Variants in CNTN1 observed in about 807,000 individuals in gnomAD.
CNTN1 encodes contactin 1.
In CNTN1, 38 loss-of-function variants were observed where a neutral mutation model predicts 126.4. That is an observed-to-expected ratio of 0.30 (90% CI 0.23 to 0.39). CNTN1 has a LOEUF of 0.39. CNTN1 is among the 10% of genes least tolerant of loss of function. The pLI is 1.00. For missense variants in CNTN1, 1,009 were observed against 1,248.4 expected, an observed-to-expected ratio of 0.81 and a Z score of 2.89; for synonymous variants, 413 against 422.6, an observed-to-expected ratio of 0.98 and a Z score of 0.28.
intron 1 of CNTN1, among the ~76,000 whole-genome samples, chr12:40,777,224 G>A (rs1427920439): frequency 6.7e-6 from 1 of 150,354 alleles, no homozygotes; most frequent in Admixed American, 6.7e-5. Flanking sequence ...GATAGTCAGG[G>A]TATCTAATTA....
intron 1 of CNTN1, among the ~76,000 whole-genome samples, chr12:40,702,108 T>A (rs1463142402): frequency 1.3e-5 from 2 of 152,044 alleles, no homozygotes; most frequent in Non-Finnish European, 2.9e-5. Flanking sequence ...GGATTTTTTT[T>A]TTTTTTCCCT....
chr12:40,898,469 A>G (rs971357667), intron 1 of CNTN1, among the ~76,000 whole-genome samples: 1 of 152,166 alleles, frequency 6.6e-6, no homozygotes, highest in Non-Finnish European at 1.5e-5. Flanking sequence ...AAATTGCACA[A>G]TCATTGAGAT....
intron 17 of CNTN1, among the ~76,000 whole-genome samples, chr12:40,998,373 T>C (rs1369544717): frequency 6.6e-6 from 1 of 152,162 alleles, no homozygotes; most frequent in Non-Finnish European, 1.5e-5. Flanking sequence ...GATTATCATT[T>C]CATTGTGCAA....
chr12:41,027,454 G>GA (rs1949058924), intron 21 of CNTN1, among the ~76,000 whole-genome samples: 1 of 151,902 alleles, frequency 6.6e-6, no homozygotes, highest in Middle Eastern at 3.2e-3. Context: ...CTGAATTTAA[G>GA]AAAAAATGAG....
intron 1 of CNTN1, among the ~76,000 whole-genome samples, chr12:40,886,664 T>A (rs1021390247): frequency 1.3e-5 from 2 of 152,186 alleles, no homozygotes; most frequent in Admixed American, 1.3e-4. Flanking sequence ...CTGAATGGTA[T>A]TGCCTAGGTT....
intron 12 of CNTN1, among the ~76,000 whole-genome samples, chr12:40,942,233 C>T (rs1014372206): frequency 2.0e-5 from 3 of 151,980 alleles, no homozygotes; most frequent in Non-Finnish European, 2.9e-5. Flanking sequence ...AATATGTGTC[C>T]TCCAAGAAGC....
In CNTN1 at chr12:41,056,914, TTATA is replaced by T. The variant is rs1229836181; in HGVS notation, c.2981-13044_2981-13041del. Among the ~76,000 whole-genome samples the T allele has an allele frequency of 3.0e-4, 22 of 73,428 alleles. 1 individual carries two copies. Among genetic ancestry groups the T allele is most frequent in the African/African-American group, 1.1e-3 (17 of 14,992 alleles). The allele number at this position is 73,428 out of a possible 152,430, so 48.2% of individuals were successfully genotyped here. A position where few individuals can be genotyped will look rare whatever the true frequency, so the allele number is the denominator to read the frequency against. On this transcript the variant is annotated intron_variant, in intron 23 of 23. Transcript: ENST00000551295. Reference sequence around the variant, plus strand: ...ATTATATTTAGATATTTATAAATATTTATAATATTTAGATATTTATAAATATTTA... The same window carrying T: ...ATTATATTTAGATATTTATAAATATTATATTTAGATATTTATAAATATTTA...
At chr12:40,694,611 C>T (rs1019151204) in intron 1 of CNTN1, among the ~76,000 whole-genome samples, 3 of 152,112 alleles carry the variant, frequency 2.0e-5, no homozygotes, top group African/African-American at 4.8e-5. Flanking sequence ...CAAGTTTATT[C>T]GGTTCTAGTC....
chr12:40,986,198 T>C (rs550013155), intron 16 of CNTN1, among the ~76,000 whole-genome samples: 2 of 152,310 alleles, frequency 1.3e-5, no homozygotes, highest in East Asian at 1.9e-4. Context: ...ATCTAGACCA[T>C]CTTAAAGTCT....
intron 23 of CNTN1, among the ~76,000 whole-genome samples, chr12:41,034,593 T>C (rs1016498641): frequency 2.6e-5 from 4 of 152,218 alleles, no homozygotes; most frequent in African/African-American, 9.6e-5. Context: ...TCTTCAACCA[T>C]CTTGAAATAA....
intron 1 of CNTN1, among the ~76,000 whole-genome samples, chr12:40,838,221 A>T (rs1283642311): frequency 6.6e-6 from 1 of 152,144 alleles, no homozygotes; most frequent in East Asian, 1.9e-4. Flanking sequence ...AGTTGGCTCT[A>T]AACTCCCAGC....
chr12:40,731,012 TAAAC>T (rs961952921), intron 1 of CNTN1, among the ~76,000 whole-genome samples: 5 of 151,696 alleles, frequency 3.3e-5, no homozygotes, highest in African/African-American at 9.7e-5. Context: ...AACTAACAAT[TAAAC>T]AAACTAAGCA....
chr12:40,731,971 G>A (rs1942511322), intron 1 of CNTN1, among the ~76,000 whole-genome samples: 2 of 151,850 alleles, frequency 1.3e-5, no homozygotes, highest in Admixed American at 6.6e-5. Context: ...TGAACTCTTG[G>A]GGAACAGGCA....
intron 1 of CNTN1, among the ~76,000 whole-genome samples, chr12:40,797,971 A>G (rs932356123): frequency 1.3e-5 from 2 of 152,038 alleles, no homozygotes; most frequent in Non-Finnish European, 2.9e-5. Flanking sequence ...ATGCCTGTAT[A>G]TATACCCGAG....
chr12:41,046,651 C>CA (rs1949545682), intron 23 of CNTN1, among the ~76,000 whole-genome samples: 1 of 151,808 alleles, frequency 6.6e-6, no homozygotes, highest in African/African-American at 2.4e-5. Flanking sequence ...TCCATGACAC[C>CA]AAAAAGTTTA....
At chr12:40,951,190 T>C (rs1171424530) in intron 14 of CNTN1, among the ~76,000 whole-genome samples, 1 of 152,138 alleles carries the variant, frequency 6.6e-6, no homozygotes, top group African/African-American at 2.4e-5. Context: ...AAATGGTCTT[T>C]TGAGTTTTCA....
intron 1 of CNTN1, among the ~76,000 whole-genome samples, chr12:40,800,735 T>C (rs1382652458): frequency 2.0e-5 from 3 of 151,920 alleles, no homozygotes; most frequent in African/African-American, 4.8e-5. Context: ...CCTTAACAAC[T>C]AGAAAAATAG....
At chr12:40,902,858 A>G (rs1403424947) in intron 1 of CNTN1, among the ~76,000 whole-genome samples, 1 of 152,328 alleles carries the variant, frequency 6.6e-6, no homozygotes, top group South Asian at 2.1e-4. Context: ...AGGTCTGTCC[A>G]GCAGAAAAAT....
At chr12:40,993,926 C>T (rs930830637) in intron 17 of CNTN1, among the ~76,000 whole-genome samples, 1 of 152,016 alleles carries the variant, frequency 6.6e-6, no homozygotes, top group Admixed American at 6.6e-5. Flanking sequence ...TTCACCATTA[C>T]CCCGTGGAAC....
Sources: allele counts gnomAD v4.1 joint callset (sites outside exome capture counted in the v4.1 genomes callset), GRCh38; gene constraint gnomAD v4.1.1; transcripts MANE v1.5; gene names NCBI Gene and HGNC (gene_info 2026-07-23, HGNC 2026-07-21).